ALK: variants seen among roughly 807,000 people sequenced by gnomAD.
ALK encodes the protein ALK tyrosine kinase receptor.
ALK carries 74 observed loss-of-function variants against 163.1 expected under a neutral mutation model. That is an observed-to-expected ratio of 0.45 (90% CI 0.38 to 0.55). The LOEUF is 0.55. ALK is among the 20% of genes least tolerant of loss of function. The probability of loss-of-function intolerance (pLI) is 0.00; values close to 1 mark genes in which losing one functional copy is unlikely to be tolerated. For synonymous variants in ALK, 960 were observed against 843.2 expected, an observed-to-expected ratio of 1.14 and a Z score of -2.40; for missense variants, 2,063 against 2,105.3, an observed-to-expected ratio of 0.98 and a Z score of 0.39.
At chr2:29,774,346 G>A (rs1681111968) in intron 1 of ALK, among the ~76,000 whole-genome samples, 1 of 152,134 alleles carries the variant, frequency 6.6e-6, no homozygotes, top group Non-Finnish European at 1.5e-5. Context: ...ATCCACTGTG[G>A]GGTTGAAGCT....
At chr2:29,399,895 G>A (rs1033110166) in intron 4 of ALK, among the ~76,000 whole-genome samples, 9 of 152,182 alleles carry the variant, frequency 5.9e-5, no homozygotes, top group African/African-American at 2.2e-4. Context: ...AAACAGGCAT[G>A]GAAAGCAGAA....
At chr2:29,577,162 A>G (rs1267622243) in intron 3 of ALK, among the ~76,000 whole-genome samples, 1 of 152,038 alleles carries the variant, frequency 6.6e-6, no homozygotes, top group African/African-American at 2.4e-5. Context: ...GGAGCCCAAG[A>G]CTTCACCCAC....
At chr2:29,876,908 GC>G (rs1393649439) in intron 1 of ALK, among the ~76,000 whole-genome samples, 1 of 152,118 alleles carries the variant, frequency 6.6e-6, no homozygotes, top group Admixed American at 6.5e-5. Context: ...CAGCTCTCAG[GC>G]CCTGTCCCAC....
At chr2:29,209,643 C>A (rs949889454) in intron 25 of ALK, 143 bp downstream of exon 25, 1 of 646,876 alleles carries the variant, frequency 1.5e-6, no homozygotes, top group Non-Finnish European at 2.7e-6. Flanking sequence ...TTTCCCATAG[C>A]CTGAAAAGGA....
rs568849496 is a variant in ALK, at chr2:29,660,114, A to G, written c.952+34736T>C. Among the ~76,000 whole-genome samples the G allele has an allele frequency of 2.0e-5, 3 of 152,252 alleles. No homozygotes were observed. The East Asian group carries it at 5.8e-4, about 29-fold the overall frequency. On this transcript the variant is annotated intron_variant, in intron 3 of 28. Coordinates refer to ENST00000389048, the MANE Select transcript of ALK (RefSeq NM_004304.5). ...AATAAGCCATGGATGTGCTATGGAC[A>G]ATGGGGGCACCAAGAGTCTGTCCAG...
chr2:29,450,576 G>A (rs1670796323), intron 4 of ALK, among the ~76,000 whole-genome samples: 1 of 151,612 alleles, frequency 6.6e-6, no homozygotes, highest in Non-Finnish European at 1.5e-5. Context: ...AGCACTTGGG[G>A]AAAAAGAAAA....
chr2:29,864,381 C>A (rs1477406111), intron 1 of ALK, among the ~76,000 whole-genome samples: 2 of 152,222 alleles, frequency 1.3e-5, no homozygotes, highest in Non-Finnish European at 2.9e-5. Context: ...GAGCAGTACT[C>A]CTGGCCTTCC....
At chr2:29,892,743 G>C (rs1452114135) in intron 1 of ALK, among the ~76,000 whole-genome samples, 1 of 152,128 alleles carries the variant, frequency 6.6e-6, no homozygotes, top group Non-Finnish European at 1.5e-5. Context: ...CTGACTCTAC[G>C]CACATTAATG....
chr2:29,691,111 G>C (rs899446450), intron 3 of ALK, among the ~76,000 whole-genome samples: 1 of 152,178 alleles, frequency 6.6e-6, no homozygotes, highest in Non-Finnish European at 1.5e-5. Context: ...GCTGCTTCAT[G>C]AGGAACAACG....
chr2:29,796,815 G>A (rs368028738), intron 1 of ALK, among the ~76,000 whole-genome samples: 12 of 152,136 alleles, frequency 7.9e-5, no homozygotes, highest in East Asian at 7.7e-4. Flanking sequence ...GGGGAGAGGA[G>A]GTGAGCTACC....
rs193031012 is a variant in ALK, at chr2:29,618,100, T to C, written c.952+76750A>G. On this transcript the variant is annotated intron_variant, in intron 3 of 28. Coordinates refer to ENST00000389048, the MANE Select transcript of ALK (RefSeq NM_004304.5). ...GCCAAGGAGGGGTCAAGCCAGACCT[T>C]TAGAAGCTGCTCTTAGGTGCTGACC... Among the ~76,000 whole-genome samples the C allele has an allele frequency of 7.9e-5, 12 of 152,300 alleles. No individual in the cohort carries two copies. In the East Asian group the frequency reaches 9.7e-4, roughly 12 times the overall value.
chr2:29,787,623 T>C (rs1250461767), intron 1 of ALK, among the ~76,000 whole-genome samples: 1 of 152,152 alleles, frequency 6.6e-6, no homozygotes, highest in Non-Finnish European at 1.5e-5. Flanking sequence ...GGTCAGATTT[T>C]AGAAAATGAG....
intron 4 of ALK, among the ~76,000 whole-genome samples, chr2:29,493,934 G>A (rs1671963002): frequency 6.6e-6 from 1 of 152,200 alleles, no homozygotes; most frequent in Admixed American, 6.5e-5. Flanking sequence ...ACCCTTCCAT[G>A]TCTAATTCTG....
At chr2:29,440,182 C>T (rs771616622) in intron 4 of ALK, among the ~76,000 whole-genome samples, 10 of 151,936 alleles carry the variant, frequency 6.6e-5, no homozygotes, top group Admixed American at 1.3e-4. Context: ...TGCAGTGAGC[C>T]GAGATCGTGC....
chr2:29,448,058 T>A (rs948040634), intron 4 of ALK, among the ~76,000 whole-genome samples: 2 of 152,258 alleles, frequency 1.3e-5, no homozygotes, highest in Non-Finnish European at 2.9e-5. Context: ...TAAGGCCAGA[T>A]GCAGCAATTT....
intron 5 of ALK, among the ~76,000 whole-genome samples, chr2:29,372,000 C>T (rs572862663): frequency 2.0e-5 from 3 of 152,272 alleles, no homozygotes; most frequent in South Asian, 2.1e-4. Flanking sequence ...TTAACATTTG[C>T]GTGCAGTTTG....
chr2:29,407,436 A>G (rs968432526), intron 4 of ALK, among the ~76,000 whole-genome samples: 2 of 152,264 alleles, frequency 1.3e-5, no homozygotes. Context: ...AAGTAGGTTT[A>G]TTATGATGAA....
rs1001749780 is a variant in ALK, at chr2:29,396,696, C to CA, written c.1155-12838dup. Among the ~76,000 whole-genome samples, 18 of 151,324 alleles carry CA rather than the reference C, an allele frequency of 1.2e-4. No individual in the cohort carries two copies. The South Asian group carries it at 1.7e-3, about 14-fold the overall frequency. ...TCTCAAAAACAAAAACAAAAACAAA[C>CA]AAAAAAAACCCTCAAACATGACCAC... On this transcript the variant is annotated intron_variant, in intron 4 of 28. Transcript: ENST00000389048.
At chr2:29,837,112 A>C (rs370790967) in intron 1 of ALK, among the ~76,000 whole-genome samples, 5 of 152,160 alleles carry the variant, frequency 3.3e-5, no homozygotes, top group African/African-American at 1.2e-4. Context: ...TAAACCACTG[A>C]TATTTTGAGA....
Sources: allele counts gnomAD v4.1 joint callset (sites outside exome capture counted in the v4.1 genomes callset), GRCh38; gene constraint gnomAD v4.1.1; transcripts MANE v1.5; gene names NCBI Gene and HGNC (gene_info 2026-07-23, HGNC 2026-07-21).